The following SCHIP1 variants were observed in gnomAD, a reference collection of about 807,000 sequenced individuals.
The protein encoded by SCHIP1 is schwannomin-interacting protein 1.
Under a neutral mutation model 29.7 loss-of-function variants are expected in SCHIP1, and 8 were observed. That is an observed-to-expected ratio of 0.27 (90% CI 0.16 to 0.49). The LOEUF is 0.49. Among genes scored for constraint, SCHIP1 ranks in the 20% least tolerant of loss-of-function variants. The pLI is 0.99. For missense variants in SCHIP1, 193 were observed against 294.6 expected (o/e 0.66, Z 2.52); for synonymous variants, 76 against 94.9 (o/e 0.80, Z 1.16).
At chr3:159,843,595 C>T (rs893021764) in intron 1 of SCHIP1, among the ~76,000 whole-genome samples, 5 of 151,750 alleles carry the variant, frequency 3.3e-5, no homozygotes, top group East Asian at 2.0e-4. Context: ...CCGAGGGCTG[C>T]GGATCACGAG....
At chr3:159,580,516 ATC>A in the SCHIP1 span, among the ~76,000 whole-genome samples, 1 of 152,230 alleles carries the variant, frequency 6.6e-6, no homozygotes, top group African/African-American at 2.4e-5. Flanking sequence ...AGTAACTACC[ATC>A]TCTTTACAAG....
intron 1 of SCHIP1, among the ~76,000 whole-genome samples, chr3:159,857,415 G>A (rs532282924): frequency 2.0e-5 from 3 of 151,828 alleles, no homozygotes; most frequent in Non-Finnish European, 2.9e-5. Flanking sequence ...CCTCATTTTC[G>A]TGTGTGTGTA....
chr3:159,693,005 G>C, the SCHIP1 span, among the ~76,000 whole-genome samples: 1 of 152,162 alleles, frequency 6.6e-6, no homozygotes, highest in Non-Finnish European at 1.5e-5. Flanking sequence ...GTCAGAAGTA[G>C]TGTTATTGCA....
chr3:159,427,275 C>T, the SCHIP1 span, among the ~76,000 whole-genome samples: 86 of 151,388 alleles, frequency 5.7e-4, 3 homozygotes, highest in Middle Eastern at 3.4e-3. Context: ...TCTTTGCAGA[C>T]GACATGATTG....
the SCHIP1 span, among the ~76,000 whole-genome samples, chr3:159,393,155 G>T: frequency 3.3e-5 from 5 of 152,158 alleles, no homozygotes; most frequent in East Asian, 1.9e-4. Flanking sequence ...CTTTTTGATG[G>T]GGTTGTTTGT....
At chr3:159,488,757 G>A in the SCHIP1 span, among the ~76,000 whole-genome samples, 1 of 152,180 alleles carries the variant, frequency 6.6e-6, no homozygotes, top group African/African-American at 2.4e-5. Context: ...AACCAACTGT[G>A]CAATGTCATA....
the SCHIP1 span, among the ~76,000 whole-genome samples, chr3:159,525,890 T>C: frequency 3.9e-5 from 6 of 152,306 alleles, no homozygotes; most frequent in Non-Finnish European, 7.4e-5. Context: ...AATAAGCACA[T>C]GGAAAAAATG....
chr3:159,820,196 A>G, the SCHIP1 span, among the ~76,000 whole-genome samples: 6 of 152,138 alleles, frequency 3.9e-5, no homozygotes, highest in African/African-American at 1.2e-4. Flanking sequence ...AAAGACTTCT[A>G]TGGCCCCAAA....
At chr3:159,432,026 C>T in the SCHIP1 span, among the ~76,000 whole-genome samples, 490 of 152,142 alleles carry the variant, frequency 3.2e-3, 2 homozygotes, top group Non-Finnish European at 4.9e-3. Context: ...TTTATTATCT[C>T]AAACAGTTGC....
chr3:159,621,613 G>T, the SCHIP1 span, among the ~76,000 whole-genome samples: 3 of 151,942 alleles, frequency 2.0e-5, no homozygotes, highest in African/African-American at 7.3e-5. Context: ...AAAGGCAGCT[G>T]AAGCAGAATG....
the SCHIP1 span, among the ~76,000 whole-genome samples, chr3:159,334,898 TTC>T: frequency 4.5e-5 from 5 of 111,600 alleles, no homozygotes; most frequent in Admixed American, 4.3e-4. Context: ...CTTCTTCTTC[TTC>T]TTTTTTTTTT....
the SCHIP1 span, among the ~76,000 whole-genome samples, chr3:159,557,701 G>A: frequency 1.3e-5 from 2 of 152,108 alleles, no homozygotes; most frequent in Non-Finnish European, 2.9e-5. Context: ...GATTAAACTG[G>A]AAGCTGAAAA....
the SCHIP1 span, chr3:159,273,574 C>T: frequency 1.8e-5 from 23 of 1,258,544 alleles, no homozygotes; most frequent in Middle Eastern, 9.2e-4. Flanking sequence ...CAAACTTCAT[C>T]TCCCAAAAAG....
At chr3:159,638,417 A>G in the SCHIP1 span, among the ~76,000 whole-genome samples, 1 of 152,048 alleles carries the variant, frequency 6.6e-6, no homozygotes, top group African/African-American at 2.4e-5. Context: ...TCATAATCGT[A>G]TTTCTCCACC....
chr3:159,491,344 C>T, the SCHIP1 span, among the ~76,000 whole-genome samples: 1 of 152,214 alleles, frequency 6.6e-6, no homozygotes, highest in African/African-American at 2.4e-5. Context: ...TCAGGGAATT[C>T]CCTTTCCTAG....
the SCHIP1 span, among the ~76,000 whole-genome samples, chr3:159,421,492 A>G: frequency 6.6e-6 from 1 of 152,142 alleles, no homozygotes; most frequent in Non-Finnish European, 1.5e-5. Context: ...CTATGACTTT[A>G]TACTATGAAA....
chr3:159,494,418 A>G, the SCHIP1 span, among the ~76,000 whole-genome samples: 108,736 of 151,810 alleles, frequency 0.72, 40,392 homozygotes, highest in African/African-American at 0.93. Flanking sequence ...ATGACAAAGG[A>G]GATATCACCA....
chr3:159,409,743 C>A, the SCHIP1 span, among the ~76,000 whole-genome samples: 1 of 152,094 alleles, frequency 6.6e-6, no homozygotes, highest in African/African-American at 2.4e-5. Flanking sequence ...CCACCTCTAT[C>A]AAAATACCAA....
intron 1 of SCHIP1, among the ~76,000 whole-genome samples, chr3:159,847,127 GTATT>G (rs1159750557): frequency 1.3e-5 from 2 of 152,172 alleles, no homozygotes; most frequent in Non-Finnish European, 2.9e-5. Context: ...CAAAGGTCTA[GTATT>G]TATTCTTGGA....
Sources: gnomAD v4.1 joint callset for allele counts (sites outside exome capture counted in the v4.1 genomes callset) on GRCh38, gnomAD v4.1.1 for gene constraint, MANE v1.5 for transcripts, NCBI Gene and HGNC (gene_info 2026-07-23, HGNC 2026-07-21) for gene names.